TM4SF4: variants seen among roughly 807,000 people sequenced by gnomAD.
TM4SF4 encodes the protein transmembrane 4 L6 family member 4.
A neutral mutation model predicts 24.1 loss-of-function variants in TM4SF4; 24 were observed. The ratio of observed to expected loss-of-function variants is 1.00; its 90% CI spans 0.72 to 1.40. The LOEUF is 1.40. Ranked by LOEUF, TM4SF4 falls within the 40% of genes most tolerant of loss-of-function variation. The probability of loss-of-function intolerance (pLI) is 0.00; values close to 1 mark genes in which losing one functional copy is unlikely to be tolerated. For missense variants in TM4SF4, 254 were observed against 254.2 expected, an observed-to-expected ratio of 1.00 and a Z score of 0.01; for synonymous variants, 113 against 97.0, an observed-to-expected ratio of 1.17 and a Z score of -0.97.
chr3:149,496,755 C>T lies in TM4SF4; in HGVS notation c.402-1967C>T, dbSNP rs142383008. On this transcript the variant is annotated intron_variant, in intron 3 of 4. Coordinates refer to ENST00000305354, the MANE Select transcript of TM4SF4 (RefSeq NM_004617.4). ...TGCACTCCAGCCTGGGCAACAAGAG[C>T]GAAACTCCGTCTCAAAAAAATAAAA... Among the ~76,000 whole-genome samples, 1,139 of 151,748 alleles carry T rather than the reference C, an allele frequency of 7.5e-3. 7 individuals carry two copies. The highest frequency in any genetic ancestry group is 0.014 in the Middle Eastern group (4 of 292).
chr3:149,482,822 G>A (rs965295631), intron 2 of TM4SF4, among the ~76,000 whole-genome samples: 5 of 152,218 alleles, frequency 3.3e-5, no homozygotes, highest in Non-Finnish European at 7.3e-5. Flanking sequence ...GGGATTACAG[G>A]CATGAGCCAC....
rs1280894351 is a variant in TM4SF4 at position 149,474,787 on chromosome 3, A to G, written c.-91A>G. On this transcript the variant is annotated 5_prime_UTR_variant, in exon 1 of 5. Transcript: ENST00000305354. ...TACTGATTGAATTGGAGACAATTAC[A>G]AGGACTCTCTGGCCAAAAACCCTTG... 3.6e-6 allele frequency: 5 copies of G among 1,379,696 alleles called. No individual in the cohort carries two copies. In the East Asian group the frequency reaches 9.5e-5, roughly 26 times the overall value. 85.5% of individuals were successfully genotyped at this position (1,379,696 alleles called of 1,614,324 possible). A position where few individuals can be genotyped will look rare whatever the true frequency, so the allele number is the denominator to read the frequency against.
rs776266010 is a variant in TM4SF4 at position 149,474,930 on chromosome 3, CT to C, written c.60del (p.Phe20LeufsTer16). On this transcript the variant is annotated frameshift_variant, in exon 1 of 5. Transcript: ENST00000305354. LOFTEE classifies it high-confidence loss of function. The part of the protein sequence containing the change: ...RCLGGTLIPL[A>X]FFGFLANILL... Reference sequence around the variant, plus strand: ...CTGGGGGGGACCCTCATTCCCCTTGCTTTTTTTGGCTTCCTGGCTAACATCC... The same window carrying C: ...CTGGGGGGGACCCTCATTCCCCTTGCTTTTTTGGCTTCCTGGCTAACATCC... 6.2e-7 allele frequency: 1 copy of C among 1,613,882 alleles called. No individual in the cohort carries two copies. The highest frequency in any genetic ancestry group is 8.5e-7 in the Non-Finnish European group (1 of 1,179,868).
chr3:149,495,786 T>G, intron 3 of TM4SF4: 1 of 220,018 alleles, frequency 4.5e-6, no homozygotes. Context: ...AAGCAGGCCT[T>G]AAATTCTCGA....
intron 2 of TM4SF4, among the ~76,000 whole-genome samples, chr3:149,479,654 G>A (rs1051645006): frequency 6.6e-6 from 1 of 152,154 alleles, no homozygotes; most frequent in Non-Finnish European, 1.5e-5. Context: ...CAGCTCCTTC[G>A]GGGACACGGG....
At chr3:149,498,502 G>A (rs1417898987) in intron 3 of TM4SF4, among the ~76,000 whole-genome samples, 1 of 152,174 alleles carries the variant, frequency 6.6e-6, no homozygotes, top group Non-Finnish European at 1.5e-5. Context: ...ATAAATGAGT[G>A]AATATGTGCG....
At chr3:149,493,560 G>A (rs1734254528) in intron 3 of TM4SF4, among the ~76,000 whole-genome samples, 1 of 152,182 alleles carries the variant, frequency 6.6e-6, no homozygotes, top group African/African-American at 2.4e-5. Context: ...GCATCTCCTT[G>A]GAGCATTAGG....
At chr3:149,478,376 C>T (rs541812880) in intron 2 of TM4SF4, among the ~76,000 whole-genome samples, 75 of 152,272 alleles carry the variant, frequency 4.9e-4, no homozygotes, top group Non-Finnish European at 8.5e-4. Context: ...AACTCCCAGC[C>T]TCAGGTGATC....
chr3:149,479,119 C>T (rs1733987229), intron 2 of TM4SF4, among the ~76,000 whole-genome samples: 1 of 152,058 alleles, frequency 6.6e-6, no homozygotes, highest in African/African-American at 2.4e-5. Context: ...AGAGAGAGAA[C>T]ATTTTTTCCC....
chr3:149,486,431 G>A (rs751916482), intron 2 of TM4SF4, among the ~76,000 whole-genome samples: 4 of 152,204 alleles, frequency 2.6e-5, no homozygotes, highest in Admixed American at 6.5e-5. Context: ...CAACAGAGGT[G>A]ATCGTTTTCT....
chr3:149,485,211 A>G (rs778911343), intron 2 of TM4SF4, among the ~76,000 whole-genome samples: 3 of 152,214 alleles, frequency 2.0e-5, no homozygotes, highest in Non-Finnish European at 4.4e-5. Context: ...ACACAAATTC[A>G]TGTTTCATAA....
At chr3:149,500,735 G>A (rs940134531) in intron 4 of TM4SF4, among the ~76,000 whole-genome samples, 2 of 152,136 alleles carry the variant, frequency 1.3e-5, no homozygotes, top group African/African-American at 4.8e-5. Flanking sequence ...GGCTGGACAT[G>A]GTGGCTCATG....
intron 3 of TM4SF4, among the ~76,000 whole-genome samples, chr3:149,497,924 T>A (rs1159696448): frequency 2.0e-5 from 3 of 152,194 alleles, no homozygotes; most frequent in Non-Finnish European, 4.4e-5. Context: ...GGATTACAGG[T>A]GTGAGTCACC....
intron 4 of TM4SF4, among the ~76,000 whole-genome samples, chr3:149,499,810 G>A (rs1029636298): frequency 1.3e-5 from 2 of 151,062 alleles, no homozygotes; most frequent in African/African-American, 4.9e-5. Context: ...GGGAGGCAGA[G>A]GTTGCAGTGA....
intron 4 of TM4SF4, among the ~76,000 whole-genome samples, chr3:149,500,702 T>C (rs1318720733): frequency 6.6e-6 from 1 of 152,198 alleles, no homozygotes; most frequent in African/African-American, 2.4e-5. Flanking sequence ...CTTTGCAAGA[T>C]TTATTGAAAA....
intron 2 of TM4SF4, among the ~76,000 whole-genome samples, chr3:149,478,809 G>A (rs957181724): frequency 1.6e-4 from 24 of 152,172 alleles, no homozygotes; most frequent in Admixed American, 6.5e-4. Flanking sequence ...CCCCCAGCAG[G>A]CTGGAGTGAG....
intron 4 of TM4SF4, 103 bp downstream of exon 4, chr3:149,499,014 G>C: frequency 7.8e-7 from 1 of 1,278,366 alleles, no homozygotes; most frequent in Non-Finnish European, 1.1e-6. Context: ...AAGGAATGAG[G>C]GGGTAAGTGT....
intron 2 of TM4SF4, among the ~76,000 whole-genome samples, chr3:149,484,477 G>A (rs926247694): frequency 4.6e-5 from 7 of 152,012 alleles, no homozygotes; most frequent in Non-Finnish European, 7.4e-5. Flanking sequence ...TCTGCCTCTC[G>A]GGCTCAAGCG....
chr3:149,498,358 G>C (rs1442864755), intron 3 of TM4SF4, among the ~76,000 whole-genome samples: 1 of 152,204 alleles, frequency 6.6e-6, no homozygotes, highest in East Asian at 1.9e-4. Context: ...TGGTGAATTT[G>C]CCTGTCTTTT....
Sources: gnomAD v4.1 joint callset for allele counts (sites outside exome capture counted in the v4.1 genomes callset) on GRCh38, gnomAD v4.1.1 for gene constraint, MANE v1.5 for transcripts, NCBI Gene and HGNC (gene_info 2026-07-23, HGNC 2026-07-21) for gene names.